INTS1: variants seen among roughly 807,000 people sequenced by gnomAD.
The protein encoded by INTS1 is integrator complex subunit 1.
A neutral mutation model predicts 241.6 loss-of-function variants in INTS1; 137 were observed. That is an observed-to-expected ratio of 0.57 (90% CI 0.49 to 0.65). The LOEUF is 0.65. INTS1 is among the 30% of genes least tolerant of loss of function. INTS1 has a pLI of 0.00. For synonymous variants in INTS1, 1,692 were observed against 1,337.8 expected (o/e 1.26, Z -5.78); for missense variants, 3,073 against 3,032.2 (o/e 1.01, Z -0.32).
At chr7:1,500,101 A>T in intron 4 of INTS1, 69 bp downstream of exon 4, 1 of 1,588,830 alleles carries the variant, frequency 6.3e-7, no homozygotes, top group East Asian at 2.3e-5. Context: ...GGGACACTTA[A>T]GGGGGAGGTG....
rs781482117 is a variant in INTS1, at chr7:1,484,185, G to C, written c.3262-15C>G. 2 of 1,597,864 alleles carry C rather than the reference G, an allele frequency of 1.3e-6. No homozygotes were observed. The highest frequency in any genetic ancestry group is 2.2e-5 in the East Asian group (1 of 44,482). On this transcript the variant is annotated splice_polypyrimidine_tract_variant and intron_variant, in intron 24 of 47. Coordinates refer to ENST00000404767, the MANE Select transcript of INTS1 (RefSeq NM_001080453.3). ...CGGGCCACGTCCTGGTGTGTGGACA[G>C]GGGGGCGTCAGAGGCTCCGAGACAG...
chr7:1,478,470 G>C lies in INTS1; in HGVS notation c.4526C>G (p.Ala1509Gly). The change falls in exon 33 of 48, where the codon GCC becomes GGC. Residue 1509 changes from alanine to glycine, a missense_variant. Transcript: ENST00000404767. Reference protein sequence around the residue: ...GGLLRLAEALAFRQDLEVVSS... With the variant: ...GGLLRLAEALGFRQDLEVVSS... ...GACCACCTCCAGGTCCTGACGGAAG[G>C]CCAGGGCCTCGGCCAGGCGCAGGAG... The C allele has an allele frequency of 6.2e-7, 1 of 1,612,168 alleles. No individual in the cohort carries two copies. Among genetic ancestry groups the C allele is most frequent in the Non-Finnish European group, 8.5e-7 (1 of 1,179,698 alleles).
chr7:1,492,989 G>A (rs760252360), intron 16 of INTS1, 21 bp downstream of exon 16: 6 of 1,589,904 alleles, frequency 3.8e-6, no homozygotes, highest in East Asian at 2.3e-5. Flanking sequence ...GGCGGGAGTG[G>A]GGAGCGGGGC....
intron 43 of INTS1, among the ~76,000 whole-genome samples, chr7:1,472,634 A>G (rs535387365): frequency 6.6e-6 from 1 of 152,244 alleles, no homozygotes; most frequent in East Asian, 1.9e-4. Context: ...ACTGGGCACA[A>G]GACGGGATGG....
rs578227585 is a variant in INTS1, at chr7:1,480,322, G to A, written c.4069C>T (p.Leu1357Phe). The A allele has an allele frequency of 3.5e-5, 57 of 1,607,258 alleles. No homozygotes were observed. The East Asian group carries it at 9.0e-4, about 25-fold the overall frequency. ...ACATGCAGCAGCAACGCTACCTGGA[G>A]GAACATGCCAGCCAGGTCGTCCTCA... ...GPEDDLAGMF[L>F]QIFPLSPDPR... is the part of the protein sequence containing the mutation. The change falls in exon 30 of 48, where the codon CTC (leucine) becomes TTC (phenylalanine). Residue 1357 changes from leucine (L) to phenylalanine (F), a missense_variant. Physicochemically the swap from Leu to Phe is conservative, Grantham distance 22. Coordinates refer to ENST00000404767, the MANE Select transcript of INTS1 (RefSeq NM_001080453.3).
chr7:1,494,608 G>A (rs566641535), intron 14 of INTS1: 13 of 616,986 alleles, frequency 2.1e-5, no homozygotes, highest in African/African-American at 7.4e-5. Context: ...GGACGCAGAC[G>A]GCAGCTGAAT....
At chr7:1,488,323 T>A (rs1166944167) in intron 18 of INTS1, among the ~76,000 whole-genome samples, 2 of 152,102 alleles carry the variant, frequency 1.3e-5, no homozygotes, top group Non-Finnish European at 2.9e-5. Context: ...GCCCGCCCCA[T>A]CCAGGGACAG....
At chr7:1,484,476 A>G (rs1203880560) in intron 24 of INTS1, among the ~76,000 whole-genome samples, 5 of 152,230 alleles carry the variant, frequency 3.3e-5, no homozygotes, top group Non-Finnish European at 7.3e-5. Context: ...GACTCGGGCC[A>G]CCAACTTTCA....
At chr7:1,476,127 G>A in intron 38 of INTS1, 56 bp from the exon 39 acceptor site, 1 of 1,527,218 alleles carries the variant, frequency 6.5e-7, no homozygotes, top group Non-Finnish European at 8.8e-7. Context: ...GACAGGGGTG[G>A]GTGGACGGGA....
In INTS1 at chr7:1,494,942, C is replaced by G. The variant is rs776272274; in HGVS notation, c.1833-49G>C. 31 of 1,543,682 alleles carry G rather than the reference C, an allele frequency of 2.0e-5. No homozygotes were observed. In the South Asian group the frequency reaches 3.3e-4, roughly 17 times the overall value. On this transcript the variant is annotated intron_variant, in intron 13 of 47. Coordinates refer to ENST00000404767, the MANE Select transcript of INTS1 (RefSeq NM_001080453.3). ...CAGTCATGATGTGGGTGCTCAGGGA[C>G]CAGCCCCGTTAGTTCCAGGGAAGGG...
intron 16 of INTS1, among the ~76,000 whole-genome samples, 184 bp from the exon 17 acceptor site, chr7:1,489,866 C>T (rs965108438): frequency 1.2e-4 from 19 of 152,160 alleles, no homozygotes; most frequent in African/African-American, 3.6e-4. Context: ...TGTCCAGGCC[C>T]GACTCCGGCT....
chr7:1,484,026 C>T lies in INTS1; in HGVS notation c.3406G>A (p.Glu1136Lys). ...RYVRRMRQSK[E>K]GEEVYSWSES... The stretch of plus-strand genomic sequence containing the variant: ...ACCCAGCTGTAGACCTCCTCGCCCT[C>T]CTTGCTCTGCCGCATGCGCCTCACG... The change falls in exon 25 of 48, where the codon GAG becomes AAG. Residue 1136 changes from glutamate to lysine, a missense_variant. Physicochemically the swap from Glu to Lys is moderately conservative, Grantham distance 56 (BLOSUM62 1). Transcript: ENST00000404767. The T allele has an allele frequency of 6.2e-7, 1 of 1,610,520 alleles. No individual in the cohort carries two copies. The highest frequency in any genetic ancestry group is 8.5e-7 in the Non-Finnish European group (1 of 1,178,696).
rs1781507916 is a variant in INTS1 at position 1,472,282 on chromosome 7, T to C, written c.6175A>G (p.Thr2059Ala). Residue 2059 changes from threonine to alanine, a missense_variant, in exon 44 of 48, where the codon ACG (threonine) becomes GCG (alanine). By Grantham distance (58) the Thr-to-Ala change is moderately conservative. Coordinates refer to ENST00000404767, the MANE Select transcript of INTS1 (RefSeq NM_001080453.3). ...PYMKRLSRGQ[T>A]VEDLLEVLSD... Reference sequence around the variant, plus strand: ...GCAGGGCCTGACTCACCCTCCACCGTTTGGCCCCGGGAAAGCCGTTTCATG... The same window carrying C: ...GCAGGGCCTGACTCACCCTCCACCGCTTGGCCCCGGGAAAGCCGTTTCATG... 6.4e-7 allele frequency: 1 copy of C among 1,553,900 alleles called. No homozygotes were observed. The highest frequency in any genetic ancestry group is 8.7e-7 in the Non-Finnish European group (1 of 1,148,898).
chr7:1,495,349 T>C lies in INTS1; in HGVS notation c.1832+84A>G, dbSNP rs1027232325. 2.5e-4 allele frequency: 363 copies of C among 1,476,678 alleles called. No homozygotes were observed. In the African/African-American group the frequency reaches 4.7e-3, roughly 19 times the overall value. 91.5% of individuals were successfully genotyped at this position (1,476,678 alleles called of 1,614,324 possible). On this transcript the variant is annotated intron_variant, in intron 13 of 47. Transcript: ENST00000404767. ...CCTGGCTTGTCCTGGCTCAGTGGGG[T>C]TTGGGGCAGGGGTTGTGCGGGGCCC... is the stretch of plus-strand genomic sequence containing the variant.
chr7:1,502,708 C>T (rs529751465), intron 3 of INTS1, among the ~76,000 whole-genome samples, 193 bp downstream of exon 3: 1 of 152,292 alleles, frequency 6.6e-6, no homozygotes, highest in Admixed American at 6.5e-5. Flanking sequence ...ACTGGCAGTG[C>T]AGGACGCAGA....
At chr7:1,487,169 T>A in intron 20 of INTS1, 68 bp from the exon 21 acceptor site, 1 of 1,521,638 alleles carries the variant, frequency 6.6e-7, no homozygotes, top group Non-Finnish European at 8.9e-7. Context: ...GCCCCCCGGG[T>A]GACCGCGGAG....
In INTS1 at chr7:1,495,483, G is replaced by A; in HGVS notation, c.1782C>T (p.His594=). ...AIQRDAVWWL[H]TVVPSISKLA... is the part of the protein sequence containing the mutation. ...GCTTGCTGATGGAGGGGACCACAGT[G>A]TGGAGCCACCAGACGGCATCCCGCT... Residue 594 remains histidine, a synonymous_variant, in exon 13 of 48, where the codon CAC becomes CAT. Coordinates refer to ENST00000404767, the MANE Select transcript of INTS1 (RefSeq NM_001080453.3). 2 of 1,612,738 alleles carry A rather than the reference G, an allele frequency of 1.2e-6. No individual in the cohort carries two copies. Among genetic ancestry groups the A allele is most frequent in the Non-Finnish European group, 1.7e-6 (2 of 1,179,742 alleles).
chr7:1,473,730 C>T (rs780072860), intron 41 of INTS1, 37 bp from the exon 42 acceptor site: 19 of 1,610,678 alleles, frequency 1.2e-5, no homozygotes, highest in Middle Eastern at 1.6e-4. Context: ...GCTGCTCTGC[C>T]CCGCAGGGCC....
chr7:1,496,124 C>A (rs1398315677), intron 12 of INTS1, 32 bp downstream of exon 12: 2 of 1,574,576 alleles, frequency 1.3e-6, no homozygotes, highest in Admixed American at 1.7e-5. Flanking sequence ...AGACCCCCAC[C>A]AAGCAGGGCC....
Sources: allele counts gnomAD v4.1 joint callset (sites outside exome capture counted in the v4.1 genomes callset), GRCh38; gene constraint gnomAD v4.1.1; transcripts MANE v1.5; gene names NCBI Gene and HGNC (gene_info 2026-07-23, HGNC 2026-07-21).